PACS2: variants seen among roughly 807,000 people sequenced by gnomAD.
PACS2 encodes PACS1-like protein.
In PACS2, 36 loss-of-function variants were observed where a neutral mutation model predicts 113.0. That is an observed-to-expected ratio of 0.32 (90% CI 0.24 to 0.42). PACS2 has a LOEUF of 0.42. PACS2 is among the 10% of genes least tolerant of loss of function. The probability of loss-of-function intolerance (pLI) is 1.00; values close to 1 mark genes in which losing one functional copy is unlikely to be tolerated. For missense variants in PACS2, 1,015 were observed against 1,239.5 expected (o/e 0.82, Z 2.72); for synonymous variants, 589 against 536.1 (o/e 1.10, Z -1.36).
chr14:105,391,005 C>A, intron 20 of PACS2: 1 of 606,782 alleles, frequency 1.6e-6, no homozygotes, highest in Non-Finnish European at 2.9e-6. Flanking sequence ...GCACCCTGAG[C>A]ACTGTCTGTC....
rs1279734913 is a variant in PACS2 at position 105,394,823 on chromosome 14, C to T, written c.*151C>T. 11 of 636,062 alleles carry T rather than the reference C, an allele frequency of 1.7e-5. No individual in the cohort carries two copies. The highest frequency in any genetic ancestry group is 2.5e-5 in the Admixed American group (1 of 40,090). The allele number at this position is 636,062 out of a possible 1,614,324, so 39.4% of individuals were successfully genotyped here. On this transcript the variant is annotated 3_prime_UTR_variant, in exon 25 of 25. Coordinates refer to ENST00000447393, the MANE Select transcript of PACS2 (RefSeq NM_001100913.3). The stretch of plus-strand genomic sequence containing the variant: ...AATGTGCTCACAACGTGGAAACTAA[C>T]GGGGGAGCTCCTGCCAGGAGCCGAA...
Position 105,384,890 on chromosome 14 carries a change from C to T in PACS2, c.1903C>T (p.Pro635Ser). The T allele has an allele frequency of 6.3e-7, 1 of 1,585,900 alleles. No homozygotes were observed. Among genetic ancestry groups the T allele is most frequent in the Non-Finnish European group, 8.6e-7 (1 of 1,165,240 alleles). The stretch of plus-strand genomic sequence containing the variant: ...TCCTCCCCCTGCAGTACAGGACACG[C>T]CAGACATTGTGTCACGCATCACGCA... The part of the protein sequence containing the change: ...LEAQSAVQDT[P>S]DIVSRITQYI... The change falls in exon 18 of 25, where the codon CCA becomes TCA. Residue 635 changes from proline (P) to serine (S), a missense_variant. Pro to Ser is a moderately conservative substitution (Grantham distance 74). Around this residue, in one of 3 missense-constraint regions of PACS2, gnomAD observed 859 missense variants for 1,056.8 expected, o/e 0.81. Transcript: ENST00000447393.
chr14:105,393,116 C>T lies in PACS2; in HGVS notation c.2483-106C>T, dbSNP rs961935752. On this transcript the variant is annotated intron_variant, in intron 23 of 24. Transcript: ENST00000447393. The stretch of plus-strand genomic sequence containing the variant: ...AGGCAGGTTTCCTAGGTGAGCAGTG[C>T]CATGACCAGCTGAGCCCCCAGTGCC... The T allele has an allele frequency of 6.8e-5, 59 of 861,322 alleles. No individual in the cohort carries two copies. In the African/African-American group the frequency reaches 9.1e-4, roughly 13 times the overall value. The allele number at this position is 861,322 out of a possible 1,614,324, so 53.4% of individuals were successfully genotyped here. A position where few individuals can be genotyped will look rare whatever the true frequency, so the allele number is the denominator to read the frequency against.
chr14:105,380,570 C>A (rs1354068795), intron 11 of PACS2, among the ~76,000 whole-genome samples: 1 of 149,698 alleles, frequency 6.7e-6, no homozygotes, highest in Admixed American at 6.6e-5. Flanking sequence ...ACTCACCCTA[C>A]CTTCAGGGTC....
chr14:105,362,354 T>C (rs1157202532), intron 4 of PACS2, among the ~76,000 whole-genome samples: 3 of 147,296 alleles, frequency 2.0e-5, no homozygotes, highest in Non-Finnish European at 3.0e-5. Flanking sequence ...GAGGTGGAGC[T>C]TGCAGTGAGC....
At chr14:105,389,190 C>T (rs587684511) in intron 19 of PACS2, 12 of 152,512 alleles carry the variant, frequency 7.9e-5, no homozygotes, top group Admixed American at 2.6e-4. Flanking sequence ...CCCCGCGGCT[C>T]CTGTCCTCCA....
At chr14:105,300,783 C>T (rs1270881351) in exon 1 of PACS2, 2 of 447,056 alleles carry the variant, frequency 4.5e-6, no homozygotes, top group African/African-American at 2.1e-5. Context: ...CGCAGATTCG[C>T]CGCGCGCGCC....
At chr14:105,334,100 A>G (rs2059410241) in intron 1 of PACS2, among the ~76,000 whole-genome samples, 1 of 152,110 alleles carries the variant, frequency 6.6e-6, no homozygotes, top group Non-Finnish European at 1.5e-5. Flanking sequence ...TCTGGTCTAG[A>G]GCCTGGCCTG....
At chr14:105,353,088 A>G (rs1223370132) in intron 3 of PACS2, among the ~76,000 whole-genome samples, 25 of 59,406 alleles carry the variant, frequency 4.2e-4, no homozygotes, top group African/African-American at 6.9e-4. Flanking sequence ...CTGGGGTGAC[A>G]GGCCCCCCCC....
At chr14:105,314,572 C>T (rs1256164094), upstream of PACS2, 2 of 145,698 alleles carry the variant, frequency 1.4e-5, no homozygotes, top group African/African-American at 4.9e-5. Flanking sequence ...AGCGCGCGCG[C>T]ACCTCACTTC....
upstream of PACS2, among the ~76,000 whole-genome samples, chr14:105,313,466 AAC>A (rs1048606534): frequency 2.0e-5 from 3 of 152,224 alleles, no homozygotes; most frequent in African/African-American, 2.4e-5. Flanking sequence ...GCGCGTGGGA[AAC>A]ACAGAGTCCC....
intron 22 of PACS2, chr14:105,392,286 T>G: frequency 2.5e-6 from 1 of 393,686 alleles, no homozygotes; most frequent in Non-Finnish European, 4.7e-6. Context: ...TGCCTCTGTG[T>G]TTCCAGCCGC....
intron 1 of PACS2, among the ~76,000 whole-genome samples, chr14:105,347,279 A>T (rs587695846): frequency 6.5e-4 from 99 of 152,040 alleles, no homozygotes; most frequent in African/African-American, 2.4e-3. Context: ...CCGCCCAGGC[A>T]GTCATACACA....
chr14:105,323,561 G>A lies in PACS2; in HGVS notation c.119+8524G>A, dbSNP rs1472991030. ...GAACCAGGATGTCATGCCAAGGAGT[G>A]TGGTTTCATTTTGAGTGGTGGGGAA... On this transcript the variant is annotated intron_variant, in intron 1 of 24. Coordinates refer to ENST00000447393, the MANE Select transcript of PACS2 (RefSeq NM_001100913.3). The surrounding 1 kb of genome is among the most constrained non-coding windows in gnomAD (Gnocchi z 4.1). Among the ~76,000 whole-genome samples, 3 of 152,246 alleles carry A rather than the reference G, an allele frequency of 2.0e-5. No homozygotes were observed. Among genetic ancestry groups the A allele is most frequent in the Admixed American group, 2.0e-4 (3 of 15,288 alleles).
chr14:105,314,239 C>T (rs1361915600), upstream of PACS2, among the ~76,000 whole-genome samples: 2 of 139,772 alleles, frequency 1.4e-5, no homozygotes, highest in African/African-American at 5.3e-5. Context: ...GCCAACCCAG[C>T]GGGGGTCGGC....
chr14:105,382,970 C>G, intron 15 of PACS2, 57 bp downstream of exon 15: 2 of 1,027,120 alleles, frequency 1.9e-6, no homozygotes, highest in Non-Finnish European at 3.0e-6. Flanking sequence ...GTCCCTGCAC[C>G]CCCACCTCTG....
intron 1 of PACS2, among the ~76,000 whole-genome samples, chr14:105,342,949 A>AC (rs1343331333): frequency 6.6e-6 from 1 of 151,666 alleles, no homozygotes; most frequent in African/African-American, 2.4e-5. Context: ...AAAAAAAAAA[A>AC]AAGACAGTAT....
rs140338412 is a variant in PACS2, at chr14:105,369,935, C to T, written c.801+35C>T. 304 of 1,569,756 alleles carry T rather than the reference C, an allele frequency of 1.9e-4. No individual in the cohort carries two copies. The African/African-American group carries it at 2.8e-3, about 15-fold the overall frequency. On this transcript the variant is annotated intron_variant, in intron 8 of 24. Coordinates refer to ENST00000447393, the MANE Select transcript of PACS2 (RefSeq NM_001100913.3). The stretch of plus-strand genomic sequence containing the variant: ...CCGCGCCTTCTGCTCGCGGCCCCCA[C>T]GCCTGCAACAGCACCTGGTCGGGAG...
chr14:105,386,224 G>A (rs587644117), intron 19 of PACS2, among the ~76,000 whole-genome samples: 1 of 152,308 alleles, frequency 6.6e-6, no homozygotes, highest in South Asian at 2.1e-4. Context: ...AGGGGCACGG[G>A]TGCACGCCCT....
Sources: allele counts gnomAD v4.1 joint callset (sites outside exome capture counted in the v4.1 genomes callset), GRCh38; gene constraint gnomAD v4.1.1; regional missense constraint gnomAD v4.1.1; non-coding constraint Gnocchi (gnomAD v3.1); transcripts MANE v1.5; gene names NCBI Gene and HGNC (gene_info 2026-07-23, HGNC 2026-07-21).